The following OTOG variants were observed in gnomAD, a reference collection of about 807,000 sequenced individuals.
The protein encoded by OTOG is otogelin.
Under a neutral mutation model 313.8 loss-of-function variants are expected in OTOG, and 296 were observed. The observed-to-expected ratio is 0.94, with a 90% CI of 0.86 to 1.04. The LOEUF (loss-of-function observed/expected upper bound fraction) is 1.04, where lower values mean the gene tolerates loss of function less well. Among genes scored for constraint, OTOG ranks in the 50% least tolerant of loss-of-function variants. OTOG has a pLI of 0.00. For synonymous variants in OTOG, 1,533 were observed against 1,554.9 expected, an observed-to-expected ratio of 0.99 and a Z score of 0.33; for missense variants, 3,948 against 3,840.1, an observed-to-expected ratio of 1.03 and a Z score of -0.74.
At chr11:17,558,039 C>T in intron 8 of OTOG, 146 bp from the exon 9 acceptor site, 2 of 1,063,124 alleles carry the variant, frequency 1.9e-6, no homozygotes, top group South Asian at 3.4e-5. Flanking sequence ...AGTTGGGAAA[C>T]CCTGATTGGG....
At position 17,634,284 on chromosome 11, in the gene OTOG, G is replaced by A; in HGVS notation, c.7480+3G>A. 6.5e-7 allele frequency: 1 copy of A among 1,549,878 alleles called. No individual in the cohort carries two copies. Among genetic ancestry groups the A allele is most frequent in the Non-Finnish European group, 8.7e-7 (1 of 1,146,454 alleles). Reference sequence around the variant, plus strand: ...CTGCTGCCTGGGGACTGTCTGTGGTGAGTGTCCACCTTCACTTCCTTGGAC... The same window carrying A: ...CTGCTGCCTGGGGACTGTCTGTGGTAAGTGTCCACCTTCACTTCCTTGGAC... On this transcript the variant is annotated splice_donor_region_variant and intron_variant, in intron 44 of 55. Coordinates refer to ENST00000399397, the MANE Select transcript of OTOG (RefSeq NM_001292063.2).
Position 17,612,743 on chromosome 11 carries a change from T to C in OTOG, c.6416T>C (p.Leu2139Pro). 1 of 1,550,536 alleles carries C rather than the reference T, an allele frequency of 6.4e-7. No homozygotes were observed. Among genetic ancestry groups the C allele is most frequent in the Non-Finnish European group, 8.7e-7 (1 of 1,146,962 alleles). The change falls in exon 38 of 56, where the codon CTG (leucine) becomes CCG (proline). Residue 2139 changes from leucine (L) to proline (P), a missense_variant. Physicochemically the swap from Leu to Pro is moderately conservative, Grantham distance 98. Coordinates refer to ENST00000399397, the MANE Select transcript of OTOG (RefSeq NM_001292063.2). ...GATGAAATGCTCACCGTCCATGTAC[T>C]GGACTGCAAAAGTGCCAACCTGGTG... is the stretch of plus-strand genomic sequence containing the variant. ...SPDEMLTVHV[L>P]DCKSANLGHL...
chr11:17,568,126 C>A (rs7131109), intron 15 of OTOG, among the ~76,000 whole-genome samples: 70,209 of 151,702 alleles, frequency 0.46, 18,379 homozygotes, highest in African/African-American at 0.73. Flanking sequence ...CCAGGATGGT[C>A]TCGATCTCCT....
chr11:17,571,948 T>A, intron 17 of OTOG, 132 bp from the exon 18 acceptor site: 8 of 1,194,202 alleles, frequency 6.7e-6, no homozygotes, highest in Non-Finnish European at 9.4e-6. Flanking sequence ...CCTCTGAGTG[T>A]GTGTATATGG....
At chr11:17,642,052 G>C in intron 52 of OTOG, 75 bp from the exon 53 acceptor site, 5 of 1,517,792 alleles carry the variant, frequency 3.3e-6, no homozygotes, top group Non-Finnish European at 4.4e-6. Context: ...GTACAAACAG[G>C]CTCCCAGACC....
intron 8 of OTOG, 138 bp downstream of exon 8, chr11:17,557,461 AC>A (rs1340545378): frequency 1.3e-6 from 1 of 796,514 alleles, no homozygotes; most frequent in Admixed American, 2.7e-5. Context: ...AAGGCCAAGG[AC>A]CCCTTCCTAA....
chr11:17,623,979 GT>G (rs1279415373), intron 39 of OTOG, among the ~76,000 whole-genome samples: 2 of 151,996 alleles, frequency 1.3e-5, no homozygotes, highest in Non-Finnish European at 2.9e-5. Flanking sequence ...CCTTTGCCCA[GT>G]TTTTAATGGG....
At position 17,612,677 on chromosome 11, in the gene OTOG, C is replaced by T. The variant is rs535700451; in HGVS notation, c.6350C>T (p.Ala2117Val). Residue 2117 changes from alanine to valine, a missense_variant, in exon 38 of 56, where the codon GCT becomes GTT. Coordinates refer to ENST00000399397, the MANE Select transcript of OTOG (RefSeq NM_001292063.2). ...SFVTFDGSHV[A>V]LFKEAIYILS... Reference sequence around the variant, plus strand: ...GTGACCTTCGATGGGAGCCACGTAGCTCTGTTCAAGGAGGCCATCTACATC... The same window carrying T: ...GTGACCTTCGATGGGAGCCACGTAGTTCTGTTCAAGGAGGCCATCTACATC... 1.7e-5 allele frequency: 26 copies of T among 1,550,610 alleles called. No homozygotes were observed. The East Asian group carries it at 6.1e-4, about 36-fold the overall frequency.
chr11:17,558,933 C>T lies in OTOG; in HGVS notation c.1104-119C>T, dbSNP rs1429806799. 3.5e-6 allele frequency: 3 copies of T among 866,540 alleles called. No homozygotes were observed. The South Asian group carries it at 4.3e-5, about 12-fold the overall frequency. The allele number at this position is 866,540 out of a possible 1,614,324, so 53.7% of individuals were successfully genotyped here. A position where few individuals can be genotyped will look rare whatever the true frequency, so the allele number is the denominator to read the frequency against. On this transcript the variant is annotated intron_variant, in intron 10 of 55. Coordinates refer to ENST00000399397, the MANE Select transcript of OTOG (RefSeq NM_001292063.2). ...TCACCTAGATGCCTTCCTGGGCAGC[C>T]TTTCCCAGCTGGGTGGAGAGGAGAG...
intron 51 of OTOG, 87 bp downstream of exon 51, chr11:17,641,178 G>C: frequency 7.2e-7 from 1 of 1,386,656 alleles, no homozygotes; most frequent in Admixed American, 2.1e-5. Context: ...AGGGGCCCTT[G>C]AAGCTGCCCT....
intron 15 of OTOG, among the ~76,000 whole-genome samples, chr11:17,563,854 G>GT (rs61373849): frequency 0.036 from 3,873 of 106,114 alleles, 44 homozygotes; most frequent in African/African-American, 0.063. Context: ...CTAGTTTTTG[G>GT]TTTTTTTTTT....
intron 31 of OTOG, among the ~76,000 whole-genome samples, chr11:17,601,829 CCGGGT>C (rs892429831): frequency 2.0e-4 from 31 of 152,280 alleles, no homozygotes; most frequent in African/African-American, 7.5e-4. Context: ...TGGGCAGAAA[CCGGGT>C]CTGACGTCTT....
intron 19 of OTOG, among the ~76,000 whole-genome samples, chr11:17,574,080 C>G (rs138702901): frequency 6.6e-6 from 1 of 152,344 alleles, no homozygotes; most frequent in African/African-American, 2.4e-5. Flanking sequence ...TTTTCAGAAG[C>G]TCCCCAGGTG....
At chr11:17,625,935 T>A (rs1034056550) in intron 39 of OTOG, among the ~76,000 whole-genome samples, 1 of 152,208 alleles carries the variant, frequency 6.6e-6, no homozygotes, top group African/African-American at 2.4e-5. Flanking sequence ...TAGTTTGAGG[T>A]CTTAGATTTA....
At chr11:17,628,167 G>C in intron 39 of OTOG, among the ~76,000 whole-genome samples, 1 of 151,944 alleles carries the variant, frequency 6.6e-6, no homozygotes, top group East Asian at 1.9e-4. Context: ...CATATTTGAA[G>C]TTTTTCTTCT....
At position 17,612,673 on chromosome 11, in the gene OTOG, G is replaced by A. The variant is rs1032723398; in HGVS notation, c.6346G>A (p.Val2116Ile). The A allele has an allele frequency of 1.2e-5, 18 of 1,550,438 alleles. No individual in the cohort carries two copies. Among genetic ancestry groups the A allele is most frequent in the African/African-American group, 1.1e-4 (8 of 73,014 alleles). The change falls in exon 38 of 56, where the codon GTA becomes ATA. Residue 2116 changes from valine to isoleucine, a missense_variant. Coordinates refer to ENST00000399397, the MANE Select transcript of OTOG (RefSeq NM_001292063.2). ...LSFVTFDGSH[V>I]ALFKEAIYIL... ...CTTCGTGACCTTCGATGGGAGCCAC[G>A]TAGCTCTGTTCAAGGAGGCCATCTA...
At chr11:17,570,435 C>A (rs1348650341) in intron 17 of OTOG, 45 bp downstream of exon 17, 10 of 1,537,168 alleles carry the variant, frequency 6.5e-6, no homozygotes, top group Non-Finnish European at 7.0e-6. Flanking sequence ...GGAAATGGGC[C>A]CCTTAGGGCT....
chr11:17,610,088 A>G lies in OTOG; in HGVS notation c.4788A>G (p.Ala1596=). Residue 1596 remains alanine, a synonymous_variant, in exon 36 of 56, where the codon GCA becomes GCG. Coordinates refer to ENST00000399397, the MANE Select transcript of OTOG (RefSeq NM_001292063.2). ...CAACAAGGGTGACTGTGATCTTTGC[A>G]GGAAGCCCTAACATCACAGTCTCCT... ...METTRVTVIF[A]GSPNITVSSR... 8 of 1,550,522 alleles carry G rather than the reference A, an allele frequency of 5.2e-6. No homozygotes were observed. Among genetic ancestry groups the G allele is most frequent in the East Asian group, 2.4e-5 (1 of 40,902 alleles).
intron 31 of OTOG, among the ~76,000 whole-genome samples, chr11:17,600,771 G>A (rs1590032908): frequency 6.6e-6 from 1 of 152,200 alleles, no homozygotes; most frequent in African/African-American, 2.4e-5. Context: ...TCAGCAAGAT[G>A]GAGCTGTTTC....
Sources: gnomAD v4.1 joint callset for allele counts (sites outside exome capture counted in the v4.1 genomes callset) on GRCh38, gnomAD v4.1.1 for gene constraint, MANE v1.5 for transcripts, NCBI Gene and HGNC (gene_info 2026-07-23, HGNC 2026-07-21) for gene names.